Variants in FIP1L1 observed in about 807,000 individuals in gnomAD.
The protein encoded by FIP1L1 is pre-mRNA 3'-end-processing factor FIP1.
Under a neutral mutation model 84.6 loss-of-function variants are expected in FIP1L1, and 21 were observed. The ratio of observed to expected loss-of-function variants is 0.25; its 90% CI spans 0.18 to 0.36. FIP1L1 has a LOEUF of 0.36. Among genes scored for constraint, FIP1L1 ranks in the 10% least tolerant of loss-of-function variants. The probability of loss-of-function intolerance (pLI) is 1.00; values close to 1 mark genes in which losing one functional copy is unlikely to be tolerated. For synonymous variants in FIP1L1, 263 were observed against 242.3 expected, an observed-to-expected ratio of 1.09 and a Z score of -0.80; for missense variants, 526 against 751.1, an observed-to-expected ratio of 0.70 and a Z score of 3.50.
At chr4:53,379,715 A>G (rs2149241301) in intron 3 of FIP1L1, among the ~76,000 whole-genome samples, 1 of 152,320 alleles carries the variant, frequency 6.6e-6, no homozygotes. Flanking sequence ...TTTGCATTCA[A>G]AATGTAATTA....
chr4:53,388,211 T>C (rs1742159769), intron 5 of FIP1L1, among the ~76,000 whole-genome samples: 1 of 152,192 alleles, frequency 6.6e-6, no homozygotes, highest in South Asian at 2.1e-4. Context: ...AAGTAATTAT[T>C]ATTAGACCCA....
intron 13 of FIP1L1, among the ~76,000 whole-genome samples, chr4:53,431,624 TTTTGTTTTC>T (rs1766711094): frequency 6.7e-6 from 1 of 150,148 alleles, no homozygotes; most frequent in Admixed American, 6.7e-5. Flanking sequence ...TTTTGTTTTG[TTTTGTTTTC>T]AAATAAATAG....
chr4:53,420,660 T>C (rs1347869504), intron 11 of FIP1L1, among the ~76,000 whole-genome samples: 1 of 152,160 alleles, frequency 6.6e-6, no homozygotes, highest in Non-Finnish European at 1.5e-5. Context: ...TCTTTATAAA[T>C]TGTGTATATA....
chr4:53,445,057 G>A lies in FIP1L1; in HGVS notation c.1285+954G>A, dbSNP rs1773606839. Among the ~76,000 whole-genome samples the A allele has an allele frequency of 3.3e-5, 5 of 152,270 alleles. 1 individual carries two copies. In the South Asian group the frequency reaches 1.0e-3, roughly 32 times the overall value. ...ACTTCCAGGCTATTCAGAGATAAAG[G>A]AGTGAGAGGGAACATGGTAGGTATT... On this transcript the variant is annotated intron_variant, in intron 15 of 17. Coordinates refer to ENST00000337488, the MANE Select transcript of FIP1L1 (RefSeq NM_030917.4).
In FIP1L1 at chr4:53,425,952, A is replaced by G. The variant is rs1560548973; in HGVS notation, c.1004A>G (p.Asn335Ser). 1.9e-6 allele frequency: 3 copies of G among 1,609,240 alleles called. No homozygotes were observed. Among genetic ancestry groups the G allele is most frequent in the Non-Finnish European group, 1.7e-6 (2 of 1,176,238 alleles). ...GAAGGCAGGCGACGGGCAAATGAGA[A>G]CAGCAACATACAGGTTTAGTATTTT... ...RVEGRRRANE[N>S]SNIQVLSERS... is the part of the protein sequence containing the mutation. Residue 335 changes from asparagine to serine, a missense_variant, in exon 12 of 18, where the codon AAC becomes AGC. Asn to Ser is a conservative substitution (Grantham distance 46). Transcript: ENST00000337488.
rs545748888 is a variant in FIP1L1, at chr4:53,411,937, C to G, written c.816-2678C>G. On this transcript the variant is annotated intron_variant, in intron 10 of 17. Transcript: ENST00000337488. ...TACATCTTGGTTAAATTTTTACAAGCTAAACATACTTTTGTAAACCAGGAT... is the reference window on the plus strand; with the variant it reads ...TACATCTTGGTTAAATTTTTACAAGGTAAACATACTTTTGTAAACCAGGAT... 9.2e-5 allele frequency among the ~76,000 whole-genome samples: 14 copies of G among 152,060 alleles called. No individual in the cohort carries two copies. The South Asian group carries it at 2.7e-3, about 29-fold the overall frequency.
chr4:53,384,218 G>A (rs1370896470), intron 5 of FIP1L1, among the ~76,000 whole-genome samples: 1 of 152,120 alleles, frequency 6.6e-6, no homozygotes, highest in Non-Finnish European at 1.5e-5. Flanking sequence ...AGACCAGCCT[G>A]ACCAGCATGG....
At chr4:53,456,229 A>T (rs1374359418) in intron 16 of FIP1L1, among the ~76,000 whole-genome samples, 1 of 152,122 alleles carries the variant, frequency 6.6e-6, no homozygotes, top group Non-Finnish European at 1.5e-5. Flanking sequence ...GGACTCATAA[A>T]TTTTCTTTGC....
chr4:53,436,614 G>A lies in FIP1L1; in HGVS notation c.1175-6039G>A, dbSNP rs533060538. On this transcript the variant is annotated intron_variant, in intron 13 of 17. Transcript: ENST00000337488. The stretch of plus-strand genomic sequence containing the variant: ...ACAGGACATAAATACCAGCAGACAG[G>A]GATCATTGAGAGCCATGTCAGAAGC... Among the ~76,000 whole-genome samples the A allele has an allele frequency of 3.9e-5, 6 of 152,140 alleles. No homozygotes were observed. In the South Asian group the frequency reaches 1.2e-3, roughly 32 times the overall value.
chr4:53,429,369 C>T (rs1765614166), intron 13 of FIP1L1, among the ~76,000 whole-genome samples: 4 of 152,110 alleles, frequency 2.6e-5, no homozygotes, highest in African/African-American at 7.2e-5. Context: ...TGAGCAGAAA[C>T]GACTCATTAG....
chr4:53,423,715 G>A (rs1346491134), intron 11 of FIP1L1, among the ~76,000 whole-genome samples: 1 of 152,100 alleles, frequency 6.6e-6, no homozygotes, highest in African/African-American at 2.4e-5. Flanking sequence ...GTGGAGAATT[G>A]TAATTTTCTG....
intron 15 of FIP1L1, among the ~76,000 whole-genome samples, chr4:53,451,716 GTTCA>G (rs1358890970): frequency 1.3e-5 from 2 of 150,602 alleles, no homozygotes; most frequent in Non-Finnish European, 3.0e-5. Flanking sequence ...TCCTATTGTG[GTTCA>G]TTATTTTAGT....
chr4:53,452,319 CT>C (rs899425061), intron 15 of FIP1L1, among the ~76,000 whole-genome samples: 117 of 146,728 alleles, frequency 8.0e-4, no homozygotes, highest in African/African-American at 1.5e-3. Flanking sequence ...TTTCTCAACA[CT>C]TTTTTTTTTT....
intron 3 of FIP1L1, among the ~76,000 whole-genome samples, chr4:53,380,667 C>T (rs957553275): frequency 6.6e-6 from 1 of 152,102 alleles, no homozygotes; most frequent in Non-Finnish European, 1.5e-5. Flanking sequence ...CAAAAAATCC[C>T]CTATAGTCTT....
chr4:53,406,865 T>C (rs1753824316), intron 10 of FIP1L1, among the ~76,000 whole-genome samples: 1 of 152,228 alleles, frequency 6.6e-6, no homozygotes, highest in Admixed American at 6.5e-5. Flanking sequence ...ATCCCCTTTG[T>C]CATTTTTTAT....
chr4:53,379,122 G>A lies in FIP1L1; in HGVS notation c.130+5G>A, dbSNP rs1204029515. 1 of 1,613,946 alleles carries A rather than the reference G, an allele frequency of 6.2e-7. No homozygotes were observed. The highest frequency in any genetic ancestry group is 8.5e-7 in the Non-Finnish European group (1 of 1,179,974). ...GTGATTTGGCAAAGGACCTAGGTTA[G>A]TGCTTGTGATGATCACTTCAGATTT... On this transcript the variant is annotated splice_donor_5th_base_variant and intron_variant, in intron 2 of 17. Coordinates refer to ENST00000337488, the MANE Select transcript of FIP1L1 (RefSeq NM_030917.4).
chr4:53,378,262 G>C (rs1735782642), intron 1 of FIP1L1: 1 of 252,502 alleles, frequency 4.0e-6, no homozygotes, highest in Non-Finnish European at 7.6e-6. Flanking sequence ...TGTCGATTCT[G>C]AGGTGGTGGT....
chr4:53,441,283 G>C (rs1771814583), intron 13 of FIP1L1, among the ~76,000 whole-genome samples: 2 of 151,878 alleles, frequency 1.3e-5, no homozygotes, highest in Admixed American at 1.3e-4. Context: ...AGAATGAGAG[G>C]TGATAATGCT....
intron 5 of FIP1L1, among the ~76,000 whole-genome samples, chr4:53,384,268 G>C (rs1436288018): frequency 6.6e-6 from 1 of 152,010 alleles, no homozygotes; most frequent in African/African-American, 2.4e-5. Context: ...AATTAGCCAG[G>C]CATGGTGGTG....
Sources: gnomAD v4.1 joint callset for allele counts (sites outside exome capture counted in the v4.1 genomes callset) on GRCh38, gnomAD v4.1.1 for gene constraint, MANE v1.5 for transcripts, NCBI Gene and HGNC (gene_info 2026-07-23, HGNC 2026-07-21) for gene names.